The following F2RL1 variants were observed in gnomAD, a reference collection of about 807,000 sequenced individuals.
F2RL1 encodes F2R like trypsin receptor 1.
In F2RL1, 16 loss-of-function variants were observed where a neutral mutation model predicts 21.7. The observed-to-expected ratio is 0.74, with a 90% CI of 0.50 to 1.12. F2RL1 has a LOEUF of 1.12. Among genes scored for constraint, F2RL1 ranks in the 50% most tolerant of loss-of-function variants. The probability of loss-of-function intolerance (pLI) is 0.00; values close to 1 mark genes in which losing one functional copy is unlikely to be tolerated. For synonymous variants in F2RL1, 181 were observed against 186.7 expected, an observed-to-expected ratio of 0.97 and a Z score of 0.25; for missense variants, 432 against 477.8, an observed-to-expected ratio of 0.90 and a Z score of 0.89.
intron 1 of F2RL1, among the ~76,000 whole-genome samples, chr5:76,829,454 C>A (rs2243080): frequency 7.2e-5 from 11 of 152,160 alleles, no homozygotes; most frequent in Non-Finnish European, 1.2e-4. Flanking sequence ...GTCCTTTATC[C>A]TGTAGCAGTT....
At chr5:76,825,783 T>C (rs772993485) in intron 1 of F2RL1, among the ~76,000 whole-genome samples, 3 of 152,170 alleles carry the variant, frequency 2.0e-5, no homozygotes, top group African/African-American at 7.2e-5. Context: ...ACCAGTGTTA[T>C]AGAACAGTTA....
At chr5:76,830,136 T>C (rs1750325065) in intron 1 of F2RL1, among the ~76,000 whole-genome samples, 1 of 152,174 alleles carries the variant, frequency 6.6e-6, no homozygotes, top group Admixed American at 6.5e-5. Flanking sequence ...TTCCTTGCCT[T>C]TTCCAGCTTG....
intron 1 of F2RL1, among the ~76,000 whole-genome samples, chr5:76,828,485 C>CTTTT (rs755413691): frequency 8.5e-6 from 1 of 117,488 alleles, no homozygotes; most frequent in Non-Finnish European, 1.7e-5. Flanking sequence ...AAATTTCTTT[C>CTTTT]TTTTTTTTTT....
chr5:76,827,102 C>T (rs1382675758), intron 1 of F2RL1, among the ~76,000 whole-genome samples: 1 of 151,760 alleles, frequency 6.6e-6, no homozygotes, highest in Non-Finnish European at 1.5e-5. Context: ...TCTCCCATCT[C>T]ATCCTCCCAA....
intron 1 of F2RL1, among the ~76,000 whole-genome samples, chr5:76,823,356 T>G (rs917666934): frequency 1.9e-4 from 28 of 149,480 alleles, no homozygotes; most frequent in African/African-American, 6.9e-4. Flanking sequence ...GGGTTTTGTT[T>G]GTTTGGTTGG....
chr5:76,830,910 T>C (rs1023288668), intron 1 of F2RL1, among the ~76,000 whole-genome samples: 6 of 152,102 alleles, frequency 3.9e-5, no homozygotes, highest in Admixed American at 2.0e-4. Context: ...AAGCATAACA[T>C]TATGAGATAA....
In F2RL1 at chr5:76,832,777, C is replaced by G. The variant is rs1040032970; in HGVS notation, c.170C>G (p.Thr57Arg). ...ACTGGAAAAGGAGTTACAGTTGAAA[C>G]AGTCTTTTCTGTGGATGAGTTTTCT... ...HVTGKGVTVE[T>R]VFSVDEFSAS... The change falls in exon 2 of 2, where the codon ACA becomes AGA. Residue 57 changes from threonine (T) to arginine (R), a missense_variant. Coordinates refer to ENST00000296677, the MANE Select transcript of F2RL1 (RefSeq NM_005242.6). 6.2e-7 allele frequency: 1 copy of G among 1,614,194 alleles called. No homozygotes were observed. Among genetic ancestry groups the G allele is most frequent in the Non-Finnish European group, 8.5e-7 (1 of 1,180,034 alleles).
chr5:76,824,473 T>TA (rs1750203777), intron 1 of F2RL1, among the ~76,000 whole-genome samples: 2 of 151,822 alleles, frequency 1.3e-5, no homozygotes, highest in Admixed American at 1.3e-4. Flanking sequence ...GGATTACAGG[T>TA]GCCCGCCACC....
rs777169646 is a variant in F2RL1 at position 76,832,984 on chromosome 5, T to C, written c.377T>C (p.Ile126Thr). The C allele has an allele frequency of 3.1e-4, 496 of 1,614,134 alleles. 1 individual carries two copies. Among genetic ancestry groups the C allele is most frequent in the Non-Finnish European group, 4.1e-4 (478 of 1,180,058 alleles). Reference sequence around the variant, plus strand: ...GCCTTGGCTGACCTCCTCTCTGTCATCTGGTTCCCCTTGAAGATTGCCTAT... The same window carrying C: ...GCCTTGGCTGACCTCCTCTCTGTCACCTGGTTCCCCTTGAAGATTGCCTAT... ...NLALADLLSV[I>T]WFPLKIAYHI... Residue 126 changes from isoleucine to threonine, a missense_variant, in exon 2 of 2, where the codon ATC (isoleucine) becomes ACC (threonine). Coordinates refer to ENST00000296677, the MANE Select transcript of F2RL1 (RefSeq NM_005242.6).
chr5:76,824,302 C>T, intron 1 of F2RL1, among the ~76,000 whole-genome samples: 1 of 151,708 alleles, frequency 6.6e-6, no homozygotes, highest in Admixed American at 6.6e-5. Flanking sequence ...TAGGTTGCCA[C>T]TATGCCTGGC....
intron 1 of F2RL1, among the ~76,000 whole-genome samples, chr5:76,824,581 C>G (rs907305546): frequency 6.6e-6 from 1 of 152,010 alleles, no homozygotes; most frequent in African/African-American, 2.4e-5. Flanking sequence ...CCCGCCTTAG[C>G]CTCCCAAAGT....
At chr5:76,824,493 T>C (rs536100812) in intron 1 of F2RL1, among the ~76,000 whole-genome samples, 64 of 152,056 alleles carry the variant, frequency 4.2e-4, no homozygotes, top group Non-Finnish European at 8.1e-4. Context: ...CACACCCAGC[T>C]AATTTTTGTA....
chr5:76,828,980 G>A (rs1450179818), intron 1 of F2RL1, among the ~76,000 whole-genome samples: 3 of 152,020 alleles, frequency 2.0e-5, no homozygotes, highest in Non-Finnish European at 4.4e-5. Context: ...GCTGGATGTA[G>A]TGGTGTGCAC....
intron 1 of F2RL1, among the ~76,000 whole-genome samples, chr5:76,826,283 A>G (rs1750236346): frequency 6.6e-6 from 1 of 152,236 alleles, no homozygotes; most frequent in Admixed American, 6.5e-5. Flanking sequence ...TCATAGAATT[A>G]TTCAACCATT....
At chr5:76,820,172 C>T (rs905530282) in intron 1 of F2RL1, among the ~76,000 whole-genome samples, 1 of 152,148 alleles carries the variant, frequency 6.6e-6, no homozygotes, top group African/African-American at 2.4e-5. Context: ...TGTGCTGCTC[C>T]GGGTGTGCTC....
At chr5:76,823,251 A>G (rs974730184) in intron 1 of F2RL1, among the ~76,000 whole-genome samples, 1 of 151,514 alleles carries the variant, frequency 6.6e-6, no homozygotes, top group African/African-American at 2.4e-5. Context: ...AAAGTTTTAC[A>G]CGCAGATTTT....
At position 76,833,413 on chromosome 5, in the gene F2RL1, T is replaced by C. The variant is rs1750390588; in HGVS notation, c.806T>C (p.Leu269Pro). 6.2e-7 allele frequency: 1 copy of C among 1,613,934 alleles called. No homozygotes were observed. The highest frequency in any genetic ancestry group is 1.7e-5 in the Admixed American group (1 of 59,976). The change falls in exon 2 of 2, where the codon CTG becomes CCG. Residue 269 changes from leucine (L) to proline (P), a missense_variant. Physicochemically the swap from Leu to Pro is moderately conservative, Grantham distance 98. Coordinates refer to ENST00000296677, the MANE Select transcript of F2RL1 (RefSeq NM_005242.6). ...GCCTATGTGCTGATGATCAGAATGC[T>C]GCGATCTTCTGCCATGGATGAAAAC... The part of the protein sequence containing the change: ...ASAYVLMIRM[L>P]RSSAMDENSE...
intron 1 of F2RL1, among the ~76,000 whole-genome samples, chr5:76,820,345 G>T (rs1750109800): frequency 6.6e-6 from 1 of 152,232 alleles, no homozygotes; most frequent in South Asian, 2.1e-4. Context: ...TCAGAAATGC[G>T]CATTTCTCAC....
intron 1 of F2RL1, among the ~76,000 whole-genome samples, chr5:76,829,765 A>T (rs1750317728): frequency 6.6e-6 from 1 of 152,220 alleles, no homozygotes; most frequent in Non-Finnish European, 1.5e-5. Flanking sequence ...CTATGTAATA[A>T]GAATAATTAT....
Sources: gnomAD v4.1 joint callset for allele counts (sites outside exome capture counted in the v4.1 genomes callset) on GRCh38, gnomAD v4.1.1 for gene constraint, MANE v1.5 for transcripts, NCBI Gene and HGNC (gene_info 2026-07-23, HGNC 2026-07-21) for gene names.